Variants in LINGO2 observed in about 807,000 individuals in gnomAD.
LINGO2 encodes leucine-rich repeat and immunoglobulin-like domain-containing nogo receptor-interacting protein 2.
LINGO2 carries 14 observed loss-of-function variants against 30.6 expected under a neutral mutation model. The ratio of observed to expected loss-of-function variants is 0.46; its 90% CI spans 0.30 to 0.72. The LOEUF is 0.72. LINGO2 is among the 30% of genes least tolerant of loss of function. The pLI is 0.07. For synonymous variants in LINGO2, 317 were observed against 288.5 expected, an observed-to-expected ratio of 1.10 and a Z score of -1.00; for missense variants, 729 against 751.7, an observed-to-expected ratio of 0.97 and a Z score of 0.35.
At chr9:28,027,979 T>C (rs186723940) in intron 4 of LINGO2, among the ~76,000 whole-genome samples, 2 of 152,238 alleles carry the variant, frequency 1.3e-5, no homozygotes, top group Admixed American at 6.5e-5. Flanking sequence ...TTAAAGAACA[T>C]AAAATGATTC....
At chr9:28,877,176 A>C in the LINGO2 span, among the ~76,000 whole-genome samples, 1 of 151,100 alleles carries the variant, frequency 6.6e-6, no homozygotes, top group East Asian at 2.0e-4. Flanking sequence ...AGTAGGTTGC[A>C]AAAATTTTCT....
intron 3 of LINGO2, among the ~76,000 whole-genome samples, chr9:28,313,424 A>G (rs569554326): frequency 1.6e-4 from 24 of 152,326 alleles, no homozygotes; most frequent in African/African-American, 4.8e-4. Context: ...ATAATATTTT[A>G]TAAAGAATCT....
At chr9:28,287,352 G>A (rs759640658) in intron 4 of LINGO2, among the ~76,000 whole-genome samples, 7 of 152,182 alleles carry the variant, frequency 4.6e-5, no homozygotes, top group Non-Finnish European at 8.8e-5. Context: ...GCTCATTAGA[G>A]GATTATATCA....
At chr9:29,027,182 G>A in the LINGO2 span, among the ~76,000 whole-genome samples, 1 of 152,092 alleles carries the variant, frequency 6.6e-6, no homozygotes, top group Non-Finnish European at 1.5e-5. Context: ...ACTAGGTTAA[G>A]TAACAGGTCA....
chr9:28,519,463 G>A (rs563710719), intron 1 of LINGO2, among the ~76,000 whole-genome samples: 34 of 152,212 alleles, frequency 2.2e-4, no homozygotes, highest in African/African-American at 7.7e-4. Flanking sequence ...GAAACGCTGA[G>A]CTATATATAG....
chr9:28,132,690 C>T lies in LINGO2; in HGVS notation c.-86-120285G>A, dbSNP rs369353054. Among the ~76,000 whole-genome samples the T allele has an allele frequency of 1.1e-4, 16 of 152,338 alleles. No homozygotes were observed. The East Asian group carries it at 2.3e-3, about 22-fold the overall frequency. The stretch of plus-strand genomic sequence containing the variant: ...ATCAGGTTCAAATGTAATAAAACTA[C>T]AGCTGCTTCTGGTTTTCATATGTTG... On this transcript the variant is annotated intron_variant, in intron 4 of 5. Coordinates refer to ENST00000379992, the Ensembl canonical transcript of LINGO2.
At chr9:27,952,810 T>C (rs1346515197) in intron 5 of LINGO2, among the ~76,000 whole-genome samples, 1 of 152,022 alleles carries the variant, frequency 6.6e-6, no homozygotes, top group Non-Finnish European at 1.5e-5. Context: ...TTCAATAATT[T>C]TATAATATTA....
chr9:28,244,999 C>CA (rs538691854), intron 4 of LINGO2, among the ~76,000 whole-genome samples: 1 of 151,978 alleles, frequency 6.6e-6, no homozygotes, highest in Non-Finnish European at 1.5e-5. Flanking sequence ...AGAGACACAA[C>CA]AAAAAAAGAA....
the LINGO2 span, among the ~76,000 whole-genome samples, chr9:28,848,055 A>ACACTACATATAGTGTG: frequency 1.8e-5 from 1 of 56,658 alleles, no homozygotes; most frequent in East Asian, 4.9e-4. Context: ...GTATATATAT[A>ACACTACATATAGTGTG]TATATATGTA....
chr9:27,940,001 C>T, the LINGO2 span: 1 of 152,104 alleles, frequency 6.6e-6, no homozygotes, highest in Non-Finnish European at 1.5e-5. Context: ...GCAGTCTGTT[C>T]TTTTTGTAGA....
chr9:28,454,919 T>C (rs1169791002), intron 2 of LINGO2, among the ~76,000 whole-genome samples: 1 of 152,092 alleles, frequency 6.6e-6, no homozygotes, highest in Non-Finnish European at 1.5e-5. Flanking sequence ...TGCTAGAACA[T>C]AATGTGATAC....
chr9:28,387,076 T>TA (rs1322545503), intron 2 of LINGO2, among the ~76,000 whole-genome samples: 2 of 152,130 alleles, frequency 1.3e-5, no homozygotes, highest in Admixed American at 1.3e-4. Context: ...GGAGAACTTT[T>TA]CTGTCTAGCT....
chr9:28,396,997 C>G (rs1266522941), intron 2 of LINGO2, among the ~76,000 whole-genome samples: 1 of 152,136 alleles, frequency 6.6e-6, no homozygotes, highest in Non-Finnish European at 1.5e-5. Context: ...CTAGCCTACA[C>G]TCCTTTACTA....
chr9:28,635,273 T>C (rs911501606), intron 1 of LINGO2, among the ~76,000 whole-genome samples: 6 of 152,118 alleles, frequency 3.9e-5, no homozygotes, highest in Non-Finnish European at 2.9e-5. Context: ...TGAGTAACAT[T>C]AGAAAGACAA....
In LINGO2 at chr9:28,313,590, C is replaced by A. The variant is rs538507799; in HGVS notation, c.-245-18224G>T. ...ATCATTGTCATCCCTGTCTGTAAGA[C>A]AGCCCATTCTTAGATTGTTAGGCAG... is the stretch of plus-strand genomic sequence containing the variant. On this transcript the variant is annotated intron_variant, in intron 3 of 5. Coordinates refer to ENST00000379992, the Ensembl canonical transcript of LINGO2. 5.3e-4 allele frequency among the ~76,000 whole-genome samples: 81 copies of A among 152,262 alleles called. 1 individual carries two copies. Among genetic ancestry groups the A allele is most frequent in the Admixed American group, 1.4e-3 (21 of 15,304 alleles).
At chr9:28,416,375 G>A (rs927974246) in intron 2 of LINGO2, among the ~76,000 whole-genome samples, 2 of 152,072 alleles carry the variant, frequency 1.3e-5, no homozygotes, top group Admixed American at 1.3e-4. Flanking sequence ...TGTGATTCTT[G>A]AATTTAAAGC....
intron 4 of LINGO2, among the ~76,000 whole-genome samples, chr9:28,290,548 G>A (rs1482847078): frequency 6.6e-6 from 1 of 152,172 alleles, no homozygotes; most frequent in African/African-American, 2.4e-5. Flanking sequence ...CTTTAATTGG[G>A]TGCTACAGCT....
the LINGO2 span, among the ~76,000 whole-genome samples, chr9:29,174,296 A>G: frequency 4.6e-5 from 7 of 152,294 alleles, no homozygotes; most frequent in African/African-American, 1.7e-4. Flanking sequence ...TCCCTAAGGC[A>G]CAGATGATAA....
At chr9:28,058,253 T>A (rs1825022151) in intron 4 of LINGO2, among the ~76,000 whole-genome samples, 1 of 152,102 alleles carries the variant, frequency 6.6e-6, no homozygotes, top group African/African-American at 2.4e-5. Flanking sequence ...AGTGGTGGAG[T>A]ACAATACAAT....
Sources: gnomAD v4.1 joint callset for allele counts (sites outside exome capture counted in the v4.1 genomes callset) on GRCh38, gnomAD v4.1.1 for gene constraint, MANE v1.5 for transcripts, NCBI Gene and HGNC (gene_info 2026-07-23, HGNC 2026-07-21) for gene names.